SH3RF3: variants seen among roughly 807,000 people sequenced by gnomAD.
SH3RF3 encodes E3 ubiquitin-protein ligase SH3RF3.
Under a neutral mutation model 66.3 loss-of-function variants are expected in SH3RF3, and 29 were observed. The observed-to-expected ratio is 0.44, with a 90% CI of 0.33 to 0.60. The LOEUF is 0.60. Among genes scored for constraint, SH3RF3 ranks in the 20% least tolerant of loss-of-function variants. SH3RF3 has a pLI of 0.04. For missense variants in SH3RF3, 1,194 were observed against 1,190.9 expected (o/e 1.00, Z -0.04); for synonymous variants, 583 against 532.0 (o/e 1.10, Z -1.32).
In SH3RF3 at chr2:109,504,084, C is replaced by T. The variant is rs527546292; in HGVS notation, c.*2413C>T. 2 of 152,234 alleles carry T rather than the reference C, an allele frequency of 1.3e-5. No individual in the cohort carries two copies. The highest frequency in any genetic ancestry group is 2.9e-5 in the Non-Finnish European group (2 of 68,058). The allele number at this position is 152,234 out of a possible 1,614,324, so 9.4% of individuals were successfully genotyped here. On this transcript the variant is annotated 3_prime_UTR_variant, in exon 10 of 10. Coordinates refer to ENST00000309415, the MANE Select transcript of SH3RF3 (RefSeq NM_001099289.3). ...TGTGCATTTCTGAGTATTTTAAACT[C>T]GTTCAGGCCCTGCAGCCTTCATGAT...
In SH3RF3 at chr2:109,388,383, CAGATTGCCTGGCAG is replaced by C. The variant is rs543759364; in HGVS notation, c.946-10204_946-10191del. Among the ~76,000 whole-genome samples the C allele has an allele frequency of 3.1e-3, 465 of 152,296 alleles. 1 individual carries two copies. Among genetic ancestry groups the C allele is most frequent in the African/African-American group, 0.011 (454 of 41,544 alleles). On this transcript the variant is annotated intron_variant, in intron 3 of 9. Coordinates refer to ENST00000309415, the MANE Select transcript of SH3RF3 (RefSeq NM_001099289.3). The stretch of plus-strand genomic sequence containing the variant: ...TGCTGTGAAAAAGCTCCACCTGCCA[CAGATTGCCTGGCAG>C]AGCTCACAACCAGCAGCAGGTACTC...
chr2:109,347,576 A>G, intron 1 of SH3RF3, 98 bp from the exon 2 acceptor site: 1 of 1,484,456 alleles, frequency 6.7e-7, no homozygotes, highest in Non-Finnish European at 9.0e-7. Context: ...CCCAGGACAC[A>G]GAAAGCCCCT....
At chr2:109,342,589 G>A (rs1682579792) in intron 1 of SH3RF3, among the ~76,000 whole-genome samples, 1 of 152,172 alleles carries the variant, frequency 6.6e-6, no homozygotes, top group African/African-American at 2.4e-5. Flanking sequence ...TTGCTGGGAG[G>A]TCTGGAATAG....
chr2:109,249,459 C>CTCTCTT (rs1233752208), intron 1 of SH3RF3, among the ~76,000 whole-genome samples: 1 of 146,366 alleles, frequency 6.8e-6, no homozygotes, highest in Non-Finnish European at 1.5e-5. Context: ...CTCTCTCTTT[C>CTCTCTT]TCTCTTTCTC....
intron 9 of SH3RF3, among the ~76,000 whole-genome samples, chr2:109,499,922 G>A (rs1679347062): frequency 6.6e-6 from 1 of 152,156 alleles, no homozygotes; most frequent in African/African-American, 2.4e-5. Flanking sequence ...CAAGTGACTG[G>A]GGGTTTCCAA....
At position 109,169,407 on chromosome 2, in the gene SH3RF3, T is replaced by C. The variant is rs188129912; in HGVS notation, c.573+39294T>C. Among the ~76,000 whole-genome samples the C allele has an allele frequency of 2.2e-3, 332 of 152,226 alleles. 1 individual carries two copies. Among genetic ancestry groups the C allele is most frequent in the African/African-American group, 7.5e-3 (310 of 41,516 alleles). ...ATGATGGTGATGATGTGGCTGATGA[T>C]GCTGTGCTGGTGAAGAACACAGCTC... On this transcript the variant is annotated intron_variant, in intron 1 of 9. Coordinates refer to ENST00000309415, the MANE Select transcript of SH3RF3 (RefSeq NM_001099289.3).
At chr2:109,152,551 T>C (rs151280354) in intron 1 of SH3RF3, among the ~76,000 whole-genome samples, 193 of 152,390 alleles carry the variant, frequency 1.3e-3, no homozygotes, top group Non-Finnish European at 2.3e-3. Context: ...GTTCACTGCA[T>C]GGAAATTGGA....
chr2:109,247,229 C>T (rs549370689), intron 1 of SH3RF3, among the ~76,000 whole-genome samples: 1 of 152,226 alleles, frequency 6.6e-6, no homozygotes, highest in Non-Finnish European at 1.5e-5. Context: ...ACACAGATGC[C>T]CACAGATTAT....
chr2:109,223,296 C>T (rs1223131616), intron 1 of SH3RF3, among the ~76,000 whole-genome samples: 1 of 152,214 alleles, frequency 6.6e-6, no homozygotes, highest in African/African-American at 2.4e-5. Flanking sequence ...TGAGCACCAG[C>T]CACGTGAGCA....
intron 1 of SH3RF3, among the ~76,000 whole-genome samples, chr2:109,185,524 G>A (rs1217063096): frequency 6.6e-6 from 1 of 152,182 alleles, no homozygotes; most frequent in African/African-American, 2.4e-5. Context: ...GACATCACAG[G>A]GCATCAAAGG....
At chr2:109,423,273 C>T (rs1676931406) in intron 5 of SH3RF3, among the ~76,000 whole-genome samples, 1 of 152,148 alleles carries the variant, frequency 6.6e-6, no homozygotes, top group African/African-American at 2.4e-5. Context: ...TGCTGAGGTG[C>T]AGACCAGGGT....
chr2:109,361,406 T>C (rs1683048966), intron 2 of SH3RF3, among the ~76,000 whole-genome samples: 1 of 152,206 alleles, frequency 6.6e-6, no homozygotes, highest in African/African-American at 2.4e-5. Flanking sequence ...CATTTATATG[T>C]TTGGTAGAAT....
At chr2:109,245,956 TA>T (rs1316441190) in intron 1 of SH3RF3, among the ~76,000 whole-genome samples, 4 of 152,234 alleles carry the variant, frequency 2.6e-5, no homozygotes, top group Non-Finnish European at 4.4e-5. Context: ...ATTACTGCTA[TA>T]ATGAAAGTCT....
intron 1 of SH3RF3, among the ~76,000 whole-genome samples, chr2:109,170,890 A>G (rs1048788073): frequency 3.3e-5 from 5 of 152,182 alleles, no homozygotes; most frequent in Non-Finnish European, 7.3e-5. Context: ...CCTCTGTTCA[A>G]AGAGGACTGA....
At chr2:109,251,549 A>G (rs1041156745) in intron 1 of SH3RF3, 46 of 772,000 alleles carry the variant, frequency 6.0e-5, no homozygotes, top group Non-Finnish European at 9.4e-5. Context: ...CTTGTGATAG[A>G]TGAATGTGTG....
intron 1 of SH3RF3, among the ~76,000 whole-genome samples, chr2:109,161,323 G>A (rs576923815): frequency 4.2e-4 from 64 of 152,226 alleles, no homozygotes; most frequent in African/African-American, 1.5e-3. Context: ...GTGGGGCTAA[G>A]TGTGGTATGC....
Position 109,132,629 on chromosome 2 carries a change from A to G in SH3RF3, c.573+2516A>G, listed in dbSNP as rs145753227. ...TTTTATTTGCCTGTTGGCAAATACT[A>G]TATGTGTGTTGCTTCTTAAAGTGTG... On this transcript the variant is annotated intron_variant, in intron 1 of 9. Transcript: ENST00000309415. Among the ~76,000 whole-genome samples the G allele has an allele frequency of 4.5e-3, 684 of 152,302 alleles. 2 individuals carry two copies. The highest frequency in any genetic ancestry group is 7.7e-3 in the Admixed American group (118 of 15,304).
intron 3 of SH3RF3, among the ~76,000 whole-genome samples, chr2:109,387,395 C>G (rs1675851483): frequency 6.6e-6 from 1 of 152,188 alleles, no homozygotes; most frequent in South Asian, 2.1e-4. Flanking sequence ...GAAGCTTCAG[C>G]ACTAGTTGAC....
At chr2:109,477,499 A>T (rs1006070270) in intron 8 of SH3RF3, among the ~76,000 whole-genome samples, 3 of 152,216 alleles carry the variant, frequency 2.0e-5, no homozygotes, top group Admixed American at 1.3e-4. Context: ...CGCCAGACAC[A>T]TGCTGAGGTG....
Sources: gnomAD v4.1 joint callset for allele counts (sites outside exome capture counted in the v4.1 genomes callset) on GRCh38, gnomAD v4.1.1 for gene constraint, MANE v1.5 for transcripts, NCBI Gene and HGNC (gene_info 2026-07-23, HGNC 2026-07-21) for gene names.